CADPS: variants seen among roughly 807,000 people sequenced by gnomAD.
CADPS encodes the protein calcium dependent secretion activator.
Under a neutral mutation model 167.3 loss-of-function variants are expected in CADPS, and 57 were observed. That is an observed-to-expected ratio of 0.34 (90% CI 0.28 to 0.42). The LOEUF is 0.42. Among genes scored for constraint, CADPS ranks in the 20% least tolerant of loss-of-function variants. The probability of loss-of-function intolerance (pLI) is 1.00; values close to 1 mark genes in which losing one functional copy is unlikely to be tolerated. For missense variants in CADPS, 1,414 were observed against 1,738.1 expected, an observed-to-expected ratio of 0.81 and a Z score of 3.32; for synonymous variants, 676 against 635.3, an observed-to-expected ratio of 1.06 and a Z score of -0.96.
chr3:62,553,745 G>A (rs1577675616), intron 10 of CADPS, among the ~76,000 whole-genome samples: 3 of 152,290 alleles, frequency 2.0e-5, no homozygotes, highest in South Asian at 4.1e-4. Context: ...ATAGAAGAGC[G>A]ACAGATGAAA....
intron 1 of CADPS, among the ~76,000 whole-genome samples, chr3:62,766,848 G>A (rs1215520064): frequency 1.3e-5 from 2 of 152,122 alleles, no homozygotes; most frequent in African/African-American, 4.8e-5. Context: ...AGGTCTTCCT[G>A]CTATGTGATT....
At chr3:62,457,999 G>A (rs1479358706) in intron 26 of CADPS, among the ~76,000 whole-genome samples, 1 of 152,132 alleles carries the variant, frequency 6.6e-6, no homozygotes, top group Non-Finnish European at 1.5e-5. Context: ...GTTGATGGGT[G>A]CAGCAAACCA....
intron 1 of CADPS, among the ~76,000 whole-genome samples, chr3:62,811,608 G>T (rs1241922117): frequency 6.6e-6 from 1 of 152,214 alleles, no homozygotes. Flanking sequence ...TTCTCCAGCA[G>T]TTACTTCTCT....
At chr3:62,794,332 C>A (rs2093211178) in intron 1 of CADPS, among the ~76,000 whole-genome samples, 1 of 152,186 alleles carries the variant, frequency 6.6e-6, no homozygotes, top group South Asian at 2.1e-4. Context: ...CATGTATGAA[C>A]TGCTCCTTTA....
rs1485094348 is a variant in CADPS at position 62,430,487 on chromosome 3, C to T, written c.3777+7617G>A. ...AGAAAGCATGAAGACACTGGGAATT[C>T]GAGTGGCCCTGGAGGGCATAAGTCA... On this transcript the variant is annotated intron_variant, in intron 28 of 29. Transcript: ENST00000383710. Among the ~76,000 whole-genome samples the T allele has an allele frequency of 3.9e-5, 6 of 152,018 alleles. No individual in the cohort carries two copies. The South Asian group carries it at 8.3e-4, about 21-fold the overall frequency.
chr3:62,445,728 A>G, intron 27 of CADPS, 37 bp downstream of exon 27: 1 of 1,360,734 alleles, frequency 7.3e-7, no homozygotes, highest in Non-Finnish European at 9.8e-7. Flanking sequence ...AAAAAAAAAC[A>G]AAAAAACCCC....
intron 3 of CADPS, among the ~76,000 whole-genome samples, chr3:62,721,334 G>C (rs532303814): frequency 6.6e-6 from 1 of 151,954 alleles, no homozygotes; most frequent in South Asian, 2.1e-4. Flanking sequence ...TGTTCACCAG[G>C]GGGGCATTTT....
At chr3:62,871,322 C>T (rs1386552774) in intron 1 of CADPS, among the ~76,000 whole-genome samples, 1 of 152,088 alleles carries the variant, frequency 6.6e-6, no homozygotes, top group Admixed American at 6.5e-5. Context: ...CCACTAAAAG[C>T]CCATCCCTCT....
In CADPS at chr3:62,421,319, G is replaced by A. The variant is rs1187847218; in HGVS notation, c.3777+16785C>T. Among the ~76,000 whole-genome samples the A allele has an allele frequency of 6.7e-6, 1 of 149,708 alleles. No individual in the cohort carries two copies. The highest frequency in any genetic ancestry group is 1.5e-5 in the Non-Finnish European group (1 of 67,404). The stretch of plus-strand genomic sequence containing the variant: ...TTCATTCGAAAGAGTGAATGAAATT[G>A]AATAAGCTCTCAGTACTTGAGGCGC... On this transcript the variant is annotated intron_variant, in intron 28 of 29. Coordinates refer to ENST00000383710, the MANE Select transcript of CADPS (RefSeq NM_003716.4). The surrounding 1 kb of genome is among the most constrained non-coding windows in gnomAD (Gnocchi z 4.7).
chr3:62,487,678 A>T lies in CADPS; in HGVS notation c.3026+3661T>A, dbSNP rs529752512. On this transcript the variant is annotated intron_variant, in intron 21 of 29. Transcript: ENST00000383710. ...ACTGTCTTTCTAGGGAAAGGCTGCC[A>T]TAGGACTCAGCCATTTTACCCTTTC... is the stretch of plus-strand genomic sequence containing the variant. Among the ~76,000 whole-genome samples the T allele has an allele frequency of 1.9e-4, 29 of 152,332 alleles. No homozygotes were observed. The East Asian group carries it at 5.4e-3, about 28-fold the overall frequency.
intron 10 of CADPS, 70 bp from the exon 11 acceptor site, chr3:62,550,185 A>T (rs1172378908): frequency 1.6e-6 from 2 of 1,273,196 alleles, no homozygotes; most frequent in African/African-American, 2.9e-5. Flanking sequence ...TCAGCCTTTG[A>T]AAAAGCAGTT....
Position 62,433,459 on chromosome 3 carries a change from G to A in CADPS, c.3777+4645C>T, listed in dbSNP as rs192773242. 1.3e-5 allele frequency among the ~76,000 whole-genome samples: 2 copies of A among 152,242 alleles called. No homozygotes were observed. The highest frequency in any genetic ancestry group is 6.5e-5 in the Admixed American group (1 of 15,268). On this transcript the variant is annotated intron_variant, in intron 28 of 29. Transcript: ENST00000383710. The surrounding 1 kb of genome is among the most constrained non-coding windows in gnomAD (Gnocchi z 4.7). ...CCTTTCCTGATCTGATAACTGCCAC[G>A]GAGAAGCCAAATGCAGAGTCAATCT...
chr3:62,610,713 G>A (rs914110800), intron 6 of CADPS, among the ~76,000 whole-genome samples: 4 of 152,122 alleles, frequency 2.6e-5, no homozygotes, highest in African/African-American at 9.7e-5. Flanking sequence ...AGAATCATTT[G>A]AATAGCAAGG....
intron 29 of CADPS, among the ~76,000 whole-genome samples, chr3:62,401,865 T>G (rs1276951486): frequency 6.6e-6 from 1 of 152,234 alleles, no homozygotes; most frequent in Non-Finnish European, 1.5e-5. Flanking sequence ...TTTTTAAGTA[T>G]GACAATTATA....
chr3:62,688,009 A>G (rs2078407448), intron 3 of CADPS, among the ~76,000 whole-genome samples: 1 of 152,046 alleles, frequency 6.6e-6, no homozygotes, highest in Non-Finnish European at 1.5e-5. Context: ...TTTATTGAGC[A>G]TGTGCTTTGC....
At chr3:62,577,955 G>C (rs1011419236) in intron 8 of CADPS, among the ~76,000 whole-genome samples, 12 of 151,992 alleles carry the variant, frequency 7.9e-5, no homozygotes, top group Non-Finnish European at 7.4e-5. Flanking sequence ...AGATCAGATA[G>C]GACAAACAGA....
rs1468387584 is a variant in CADPS at position 62,686,714 on chromosome 3, T to C, written c.889-24320A>G. ...ATGGAATATATTTCGTAATGTACCT[T>C]GTCTGTCTTGTATTGGTGACTCATA... On this transcript the variant is annotated intron_variant, in intron 3 of 29. Transcript: ENST00000383710. Among the ~76,000 whole-genome samples the C allele has an allele frequency of 1.3e-5, 2 of 152,096 alleles. 1 individual carries two copies. The highest frequency in any genetic ancestry group is 2.9e-5 in the Non-Finnish European group (2 of 68,014).
intron 7 of CADPS, among the ~76,000 whole-genome samples, chr3:62,591,401 T>C (rs2085991358): frequency 1.3e-5 from 2 of 152,188 alleles, no homozygotes; most frequent in Non-Finnish European, 2.9e-5. Context: ...GGAGGTGGCA[T>C]TTATGCAGAG....
chr3:62,824,013 G>C (rs1041094484), intron 1 of CADPS, among the ~76,000 whole-genome samples: 11 of 151,922 alleles, frequency 7.2e-5, no homozygotes, highest in Non-Finnish European at 1.2e-4. Flanking sequence ...TAATGTGCAA[G>C]GGGAAAAACA....
Sources: gnomAD v4.1 joint callset for allele counts (sites outside exome capture counted in the v4.1 genomes callset) on GRCh38, gnomAD v4.1.1 for gene constraint, Gnocchi (gnomAD v3.1) non-coding constraint, MANE v1.5 for transcripts, NCBI Gene and HGNC (gene_info 2026-07-23, HGNC 2026-07-21) for gene names.